PRCP: variants seen among roughly 807,000 people sequenced by gnomAD.
The protein encoded by PRCP is prolylcarboxypeptidase.
A neutral mutation model predicts 54.2 loss-of-function variants in PRCP; 46 were observed. The ratio of observed to expected loss-of-function variants is 0.85; its 90% CI spans 0.67 to 1.09. The LOEUF (loss-of-function observed/expected upper bound fraction) is 1.09. Ranked by LOEUF, PRCP falls within the 50% of genes least tolerant of loss-of-function variation. The pLI is 0.00. For missense variants in PRCP, 613 were observed against 596.8 expected (o/e 1.03, Z -0.28); for synonymous variants, 240 against 212.2 (o/e 1.13, Z -1.14).
intron 1 of PRCP, among the ~76,000 whole-genome samples, chr11:82,864,140 CT>C (rs1215064695): frequency 6.6e-6 from 1 of 152,176 alleles, no homozygotes; most frequent in Admixed American, 6.5e-5. Flanking sequence ...GCACGGAGTA[CT>C]TAGATGGGAG....
chr11:82,880,349 G>A (rs1321074831), intron 1 of PRCP, among the ~76,000 whole-genome samples: 1 of 152,228 alleles, frequency 6.6e-6, no homozygotes, highest in East Asian at 1.9e-4. Flanking sequence ...CCAGGCACAG[G>A]ATATAATCTC....
chr11:82,834,622 C>T (rs1358737453), intron 8 of PRCP, among the ~76,000 whole-genome samples: 1 of 152,164 alleles, frequency 6.6e-6, no homozygotes, highest in African/African-American at 2.4e-5. Context: ...AGCTGGAAGC[C>T]ATTATCCTCA....
intron 8 of PRCP, among the ~76,000 whole-genome samples, chr11:82,831,633 A>C (rs1735430304): frequency 6.6e-6 from 1 of 152,228 alleles, no homozygotes; most frequent in South Asian, 2.1e-4. Flanking sequence ...CCGGAAAAGC[A>C]ATCACACTTG....
At chr11:82,852,998 TG>T (rs1488865139) in intron 3 of PRCP, among the ~76,000 whole-genome samples, 178 bp downstream of exon 3, 1 of 147,498 alleles carries the variant, frequency 6.8e-6, no homozygotes. Flanking sequence ...TATAATAAAA[TG>T]GCTTAAAAAA....
intron 1 of PRCP, among the ~76,000 whole-genome samples, chr11:82,893,221 G>C (rs1056565029): frequency 6.6e-6 from 1 of 152,146 alleles, no homozygotes; most frequent in Admixed American, 6.5e-5. Flanking sequence ...AGGAAACCCC[G>C]ATCAGCCACT....
chr11:82,853,354 T>A, intron 2 of PRCP, 76 bp from the exon 3 acceptor site: 1 of 1,185,960 alleles, frequency 8.4e-7, no homozygotes, highest in Non-Finnish European at 1.2e-6. Flanking sequence ...GCAAACCATA[T>A]GGAATAGATG....
At chr11:82,863,959 C>T (rs143379063) in intron 1 of PRCP, among the ~76,000 whole-genome samples, 80 of 152,344 alleles carry the variant, frequency 5.3e-4, no homozygotes, top group African/African-American at 1.9e-3. Context: ...ATTACTTAAC[C>T]TCTCTGAACC....
intron 1 of PRCP, among the ~76,000 whole-genome samples, chr11:82,873,862 C>T (rs1859535515): frequency 6.6e-6 from 1 of 152,082 alleles, no homozygotes; most frequent in South Asian, 2.1e-4. Context: ...TTTACAAAAT[C>T]CCCACATGAA....
chr11:82,855,264 A>G (rs1859057238), intron 2 of PRCP, among the ~76,000 whole-genome samples: 1 of 152,224 alleles, frequency 6.6e-6, no homozygotes. Flanking sequence ...ATGAGAGAAA[A>G]TATTTGCAAA....
At chr11:82,890,327 G>A (rs192091935) in intron 1 of PRCP, among the ~76,000 whole-genome samples, 118 of 152,240 alleles carry the variant, frequency 7.8e-4, no homozygotes, top group Middle Eastern at 3.4e-3. Context: ...AAAGGGAAGC[G>A]TTCTGAGAAA....
intron 1 of PRCP, among the ~76,000 whole-genome samples, chr11:82,875,135 A>G (rs190486213): frequency 7.9e-5 from 12 of 152,318 alleles, no homozygotes; most frequent in Admixed American, 1.3e-4. Flanking sequence ...CTACATGTAA[A>G]TAATCTCAAT....
chr11:82,881,757 T>C (rs1859754589), intron 1 of PRCP, among the ~76,000 whole-genome samples: 1 of 152,004 alleles, frequency 6.6e-6, no homozygotes, highest in African/African-American at 2.4e-5. Flanking sequence ...GGTGAGAGAA[T>C]CAGAAAATTC....
chr11:82,892,877 A>G (rs941576112), intron 1 of PRCP, among the ~76,000 whole-genome samples: 3 of 152,188 alleles, frequency 2.0e-5, no homozygotes, highest in Admixed American at 6.5e-5. Context: ...AACAAGTACA[A>G]TTTGAACTCC....
chr11:82,845,113 A>G (rs1465329408), intron 6 of PRCP, among the ~76,000 whole-genome samples: 1 of 152,008 alleles, frequency 6.6e-6, no homozygotes, highest in African/African-American at 2.4e-5. Flanking sequence ...AGGAAACAGA[A>G]AGAGCATTAG....
chr11:82,891,066 C>T (rs985518978), intron 1 of PRCP, among the ~76,000 whole-genome samples: 1 of 152,164 alleles, frequency 6.6e-6, no homozygotes, highest in Non-Finnish European at 1.5e-5. Flanking sequence ...GTATTACTTG[C>T]CCCACCTTTC....
In PRCP at chr11:82,850,038, A is replaced by C; in HGVS notation, c.627T>G (p.Phe209Leu). The change falls in exon 5 of 9, where the codon TTT becomes TTG. Residue 209 changes from phenylalanine (F) to leucine (L), a missense_variant. By Grantham distance (22) the Phe-to-Leu change is conservative. Transcript: ENST00000313010. Reference protein sequence around the residue: ...ALAASAPIWQFEDLVPCGVFM... With the variant: ...ALAASAPIWQLEDLVPCGVFM... Reference sequence around the variant, plus strand: ...ATACACCACAAGGTACTAAATCCTCAAACTGCCAGATAGGGGCAGAAGCTG... The same window carrying C: ...ATACACCACAAGGTACTAAATCCTCCAACTGCCAGATAGGGGCAGAAGCTG... 6.9e-7 allele frequency: 1 copy of C among 1,459,656 alleles called. No homozygotes were observed. The allele number at this position is 1,459,656 out of a possible 1,614,324, so 90.4% of individuals were successfully genotyped here. A position where few individuals can be genotyped will look rare whatever the true frequency, so the allele number is the denominator to read the frequency against.
chr11:82,900,515 C>G (rs1415879808), upstream of PRCP: 2 of 1,412,150 alleles, frequency 1.4e-6, no homozygotes, highest in Non-Finnish European at 1.9e-6. Flanking sequence ...ACAGCTCCTC[C>G]CAGGGGAAAC....
At chr11:82,895,020 T>C (rs1377818556) in intron 1 of PRCP, among the ~76,000 whole-genome samples, 1 of 152,224 alleles carries the variant, frequency 6.6e-6, no homozygotes, top group African/African-American at 2.4e-5. Context: ...TATTAAAGTA[T>C]TGATTATTTT....
chr11:82,841,381 T>C (rs900804476), intron 6 of PRCP, among the ~76,000 whole-genome samples: 17 of 152,216 alleles, frequency 1.1e-4, no homozygotes, highest in African/African-American at 3.6e-4. Flanking sequence ...TTATTGGTAC[T>C]TTGTGGAAAA....
Sources: allele counts gnomAD v4.1 joint callset (sites outside exome capture counted in the v4.1 genomes callset), GRCh38; gene constraint gnomAD v4.1.1; transcripts MANE v1.5; gene names NCBI Gene and HGNC (gene_info 2026-07-23, HGNC 2026-07-21).